RNF216: variants seen among roughly 807,000 people sequenced by gnomAD.
RNF216 encodes E3 ubiquitin-protein ligase RNF216.
A neutral mutation model predicts 110.8 loss-of-function variants in RNF216; 72 were observed. The ratio of observed to expected loss-of-function variants is 0.65; its 90% CI spans 0.54 to 0.79. RNF216 has a LOEUF of 0.79. RNF216 is among the 30% of genes least tolerant of loss of function. RNF216 has a pLI of 0.00. For synonymous variants in RNF216, 495 were observed against 407.5 expected (o/e 1.21, Z -2.59); for missense variants, 1,342 against 1,141.2 (o/e 1.18, Z -2.54).
At chr7:5,719,352 A>G (rs7784394) in intron 9 of RNF216, among the ~76,000 whole-genome samples, 148,804 of 152,340 alleles carry the variant, frequency 0.98, 72,702 homozygotes, top group Middle Eastern at 0.99. Flanking sequence ...CTCCAGCCTA[A>G]GTAACACATG....
chr7:5,741,621 A>G lies in RNF216; in HGVS notation c.396T>C (p.Gly132=). 1 of 1,614,126 alleles carries G rather than the reference A, an allele frequency of 6.2e-7. No individual in the cohort carries two copies. Among genetic ancestry groups the G allele is most frequent in the Non-Finnish European group, 8.5e-7 (1 of 1,180,032 alleles). Residue 132 remains glycine, a synonymous_variant, in exon 4 of 17, where the codon GGT becomes GGC. Coordinates refer to ENST00000389902, the MANE Select transcript of RNF216 (RefSeq NM_207111.4). ...GAQDDSEDDY[G]EFLDLGPPGI... Reference sequence around the variant, plus strand: ...CAGGAGGCCCAAGATCCAGAAATTCACCGTAGTCATCCTCAGAATCATCCT... The same window carrying G: ...CAGGAGGCCCAAGATCCAGAAATTCGCCGTAGTCATCCTCAGAATCATCCT...
chr7:5,658,675 A>AAAAT (rs1264793663), intron 13 of RNF216, among the ~76,000 whole-genome samples: 2 of 146,806 alleles, frequency 1.4e-5, no homozygotes, highest in African/African-American at 5.2e-5. Flanking sequence ...AAAAAAAAAA[A>AAAAT]TTTTTTTAAC....
At chr7:5,739,722 C>G in intron 4 of RNF216, 1 of 436,358 alleles carries the variant, frequency 2.3e-6, no homozygotes, top group Admixed American at 2.4e-5. Flanking sequence ...CCTGGGTGGC[C>G]GGGTGCAGTG....
At chr7:5,770,815 T>G (rs576598185) in intron 1 of RNF216, among the ~76,000 whole-genome samples, 2 of 151,898 alleles carry the variant, frequency 1.3e-5, no homozygotes, top group Non-Finnish European at 2.9e-5. Context: ...TTTTTTTTTT[T>G]CTTTCCCCCC....
intron 15 of RNF216, among the ~76,000 whole-genome samples, chr7:5,635,198 G>A (rs1431001399): frequency 1.3e-5 from 2 of 152,058 alleles, no homozygotes; most frequent in South Asian, 2.1e-4. Flanking sequence ...ACGCTCACAT[G>A]GTGTTGGCTG....
At chr7:5,753,878 C>A (rs1389265215) in intron 2 of RNF216, among the ~76,000 whole-genome samples, 1 of 152,008 alleles carries the variant, frequency 6.6e-6, no homozygotes, top group African/African-American at 2.4e-5. Flanking sequence ...GCCTGTAATC[C>A]CAGCTATTCA....
chr7:5,623,566 T>G (rs959140774), intron 16 of RNF216, among the ~76,000 whole-genome samples: 1 of 152,034 alleles, frequency 6.6e-6, no homozygotes, highest in African/African-American at 2.4e-5. Context: ...TCCCGAGTGC[T>G]GGGATTGCAG....
Position 5,741,761 on chromosome 7 carries a change from G to T in RNF216, c.256C>A (p.Gln86Lys). 6.2e-7 allele frequency: 1 copy of T among 1,614,066 alleles called. No individual in the cohort carries two copies. The highest frequency in any genetic ancestry group is 8.5e-7 in the Non-Finnish European group (1 of 1,180,022). Reference protein sequence around the residue: ...PNLIKPAAQWQDLKRLGEERP... With the variant: ...PNLIKPAAQWKDLKRLGEERP... Reference sequence around the variant, plus strand: ...TCTTCTCCCAACCTTTTCAGATCTTGCCACTGGGCAGCTGGTTTGATGAGA... The same window carrying T: ...TCTTCTCCCAACCTTTTCAGATCTTTCCACTGGGCAGCTGGTTTGATGAGA... The change falls in exon 4 of 17, where the codon CAA becomes AAA. Residue 86 changes from glutamine (Q) to lysine (K), a missense_variant. By Grantham distance (53) the Gln-to-Lys change is moderately conservative (BLOSUM62 1). Coordinates refer to ENST00000389902, the MANE Select transcript of RNF216 (RefSeq NM_207111.4).
At chr7:5,753,200 A>T (rs1402832160) in intron 2 of RNF216, among the ~76,000 whole-genome samples, 1 of 152,200 alleles carries the variant, frequency 6.6e-6, no homozygotes, top group Admixed American at 6.5e-5. Flanking sequence ...TCTAACAATT[A>T]CTATGCTCAA....
intron 5 of RNF216, among the ~76,000 whole-genome samples, chr7:5,736,934 G>A (rs1001510506): frequency 4.1e-5 from 6 of 148,062 alleles, no homozygotes; most frequent in Admixed American, 6.7e-5. Context: ...CAGCCGCCCC[G>A]TCCGGGAGGT....
At chr7:5,769,661 T>G (rs192477697) in intron 1 of RNF216, among the ~76,000 whole-genome samples, 6 of 151,808 alleles carry the variant, frequency 4.0e-5, no homozygotes, top group African/African-American at 1.5e-4. Context: ...GAGGCAGAAG[T>G]TGCAGTAAGC....
At chr7:5,773,768 A>G (rs140382034) in intron 1 of RNF216, among the ~76,000 whole-genome samples, 3,011 of 152,182 alleles carry the variant, frequency 0.02, 44 homozygotes, top group Non-Finnish European at 0.031. Flanking sequence ...TGGTTTTGTC[A>G]TGTTGGCCAG....
At chr7:5,634,912 C>T (rs1269324447) in intron 15 of RNF216, among the ~76,000 whole-genome samples, 1 of 152,154 alleles carries the variant, frequency 6.6e-6, no homozygotes, top group African/African-American at 2.4e-5. Context: ...CCCCTTTCTA[C>T]TATTTGCAGC....
At chr7:5,735,140 C>T (rs1156666017) in intron 5 of RNF216, among the ~76,000 whole-genome samples, 6 of 151,612 alleles carry the variant, frequency 4.0e-5, no homozygotes, top group African/African-American at 7.3e-5. Flanking sequence ...AGTGAGACTT[C>T]GTCTCAAAAA....
chr7:5,655,479 TC>T (rs1447237903), intron 13 of RNF216, among the ~76,000 whole-genome samples: 1 of 151,936 alleles, frequency 6.6e-6, no homozygotes, highest in South Asian at 2.1e-4. Context: ...ATGCCTGTAA[TC>T]CCAGCTGAGG....
intron 2 of RNF216, among the ~76,000 whole-genome samples, chr7:5,754,826 G>A (rs774703066): frequency 1.4e-4 from 22 of 152,048 alleles, no homozygotes; most frequent in Non-Finnish European, 2.6e-4. Context: ...CCAGGAGTTC[G>A]AGACGAGCCT....
At chr7:5,635,239 G>A (rs901088221) in intron 15 of RNF216, among the ~76,000 whole-genome samples, 3 of 151,662 alleles carry the variant, frequency 2.0e-5, no homozygotes, top group South Asian at 2.1e-4. Flanking sequence ...TGAAGAAACC[G>A]AGGTCAGTTT....
intron 13 of RNF216, among the ~76,000 whole-genome samples, chr7:5,659,531 G>A (rs1292107726): frequency 6.6e-6 from 1 of 152,186 alleles, no homozygotes; most frequent in African/African-American, 2.4e-5. Context: ...TGAGGCTATA[G>A]GAAGGAGTTT....
At chr7:5,708,845 G>GAAGC (rs1330739897) in intron 13 of RNF216, among the ~76,000 whole-genome samples, 1 of 152,104 alleles carries the variant, frequency 6.6e-6, no homozygotes, top group African/African-American at 2.4e-5. Flanking sequence ...AGCCCCTTGA[G>GAAGC]AAGCCCAAAT....
Sources: allele counts gnomAD v4.1 joint callset (sites outside exome capture counted in the v4.1 genomes callset), GRCh38; gene constraint gnomAD v4.1.1; transcripts MANE v1.5; gene names NCBI Gene and HGNC (gene_info 2026-07-23, HGNC 2026-07-21).